The following ANO3 variants were observed in gnomAD, a reference collection of about 807,000 sequenced individuals.
The protein encoded by ANO3 is anoctamin 3.
ANO3 carries 99 observed loss-of-function variants against 144.8 expected under a neutral mutation model. The observed-to-expected ratio is 0.68, with a 90% CI of 0.58 to 0.81. The LOEUF is 0.81. Ranked by LOEUF, ANO3 falls within the 30% of genes least tolerant of loss-of-function variation. The pLI, the probability that ANO3 is intolerant of heterozygous loss-of-function variation, is 0.00. For missense variants in ANO3, 905 were observed against 1,202.2 expected, an observed-to-expected ratio of 0.75 and a Z score of 3.66; for synonymous variants, 414 against 392.6, an observed-to-expected ratio of 1.05 and a Z score of -0.64.
At chr11:26,335,535 TC>T (rs1389217632) in intron 1 of ANO3, among the ~76,000 whole-genome samples, 1 of 152,200 alleles carries the variant, frequency 6.6e-6, no homozygotes, top group Non-Finnish European at 1.5e-5. Flanking sequence ...AATTCATATG[TC>T]CATCCCTCAG....
chr11:26,495,587 C>T (rs936916256), intron 4 of ANO3, among the ~76,000 whole-genome samples: 1 of 152,174 alleles, frequency 6.6e-6, no homozygotes, highest in Non-Finnish European at 1.5e-5. Context: ...AGGGTCATCT[C>T]ATTTATGACA....
chr11:26,455,420 T>C (rs1346033718), intron 3 of ANO3, among the ~76,000 whole-genome samples: 1 of 151,856 alleles, frequency 6.6e-6, no homozygotes, highest in African/African-American at 2.4e-5. Flanking sequence ...AGCATTCTTA[T>C]ACACCAATAA....
At chr11:26,651,665 C>T (rs1309074064) in intron 24 of ANO3, among the ~76,000 whole-genome samples, 1 of 151,770 alleles carries the variant, frequency 6.6e-6, no homozygotes, top group Non-Finnish European at 1.5e-5. Flanking sequence ...CTAAATTTCT[C>T]AGCTTTAATT....
At chr11:26,579,752 A>T (rs1428825176) in intron 14 of ANO3, among the ~76,000 whole-genome samples, 1 of 152,168 alleles carries the variant, frequency 6.6e-6, no homozygotes, top group Non-Finnish European at 1.5e-5. Context: ...AGATCCAGTT[A>T]AAGTTGTTAT....
At chr11:26,270,142 T>G (rs1853409279) in intron 1 of ANO3, among the ~76,000 whole-genome samples, 1 of 152,228 alleles carries the variant, frequency 6.6e-6, no homozygotes, top group East Asian at 1.9e-4. Flanking sequence ...ATTTTTCTTT[T>G]GAATTTGGAA....
Position 26,647,779 on chromosome 11 carries a change from T to G in ANO3, c.2499T>G (p.Ile833Met). 1 of 1,613,422 alleles carries G rather than the reference T, an allele frequency of 6.2e-7. No homozygotes were observed. The highest frequency in any genetic ancestry group is 8.5e-7 in the Non-Finnish European group (1 of 1,179,510). ...TCACCAATGCATTTGTAATTGCTAT[T>G]ACTTCTGATTACATCCCACGTTTTG... Reference protein sequence around the residue: ...AVITNAFVIAITSDYIPRFVY... With the variant: ...AVITNAFVIAMTSDYIPRFVY... The change falls in exon 24 of 27, where the codon ATT (isoleucine) becomes ATG (methionine). Residue 833 changes from isoleucine to methionine, a missense_variant. Physicochemically the swap from Ile to Met is conservative, Grantham distance 10 (BLOSUM62 1). Transcript: ENST00000256737.
chr11:26,607,671 G>A (rs1851973867), intron 17 of ANO3, among the ~76,000 whole-genome samples: 1 of 152,162 alleles, frequency 6.6e-6, no homozygotes, highest in Non-Finnish European at 1.5e-5. Flanking sequence ...CTAAGAACTT[G>A]CTTTATGAAT....
intron 20 of ANO3, among the ~76,000 whole-genome samples, chr11:26,638,316 C>T (rs557743594): frequency 6.6e-6 from 1 of 152,288 alleles, no homozygotes; most frequent in South Asian, 2.1e-4. Context: ...CTCATATATC[C>T]CTGATACGAT....
chr11:26,477,102 T>G (rs1452155003), intron 4 of ANO3, among the ~76,000 whole-genome samples: 2 of 152,116 alleles, frequency 1.3e-5, no homozygotes, highest in Non-Finnish European at 2.9e-5. Context: ...TTCAATTGAT[T>G]CATTTGCACA....
chr11:26,507,813 A>G (rs1366588449), intron 4 of ANO3, among the ~76,000 whole-genome samples: 1 of 152,214 alleles, frequency 6.6e-6, no homozygotes, highest in Non-Finnish European at 1.5e-5. Flanking sequence ...TATATGATAT[A>G]TCATTTTCAT....
chr11:26,508,324 T>C (rs1316740494), intron 5 of ANO3, 62 bp downstream of exon 5: 6 of 1,467,682 alleles, frequency 4.1e-6, no homozygotes, highest in African/African-American at 2.9e-5. Flanking sequence ...TAATCACTTA[T>C]GGTTTAGAAA....
intron 14 of ANO3, among the ~76,000 whole-genome samples, chr11:26,578,844 C>G (rs1352655044): frequency 1.3e-5 from 2 of 152,148 alleles, no homozygotes; most frequent in Non-Finnish European, 2.9e-5. Context: ...ACTCTTCAAC[C>G]TACAAATGGC....
intron 17 of ANO3, among the ~76,000 whole-genome samples, chr11:26,611,768 G>A (rs1852105524): frequency 6.6e-6 from 1 of 152,022 alleles, no homozygotes; most frequent in South Asian, 2.1e-4. Context: ...GATAATATTT[G>A]CTGTACATAT....
chr11:26,314,430 T>C (rs1854574551), intron 1 of ANO3, among the ~76,000 whole-genome samples: 1 of 152,174 alleles, frequency 6.6e-6, no homozygotes, highest in Admixed American at 6.5e-5. Flanking sequence ...CATTAAATAT[T>C]AGTTGCTGTT....
chr11:26,588,930 T>G (rs1341096918), intron 14 of ANO3, among the ~76,000 whole-genome samples: 2 of 152,238 alleles, frequency 1.3e-5, no homozygotes, highest in Non-Finnish European at 2.9e-5. Flanking sequence ...TGCTTGGAGA[T>G]TCTAATTTTT....
At chr11:26,615,415 T>TATATA (rs1491318574) in intron 17 of ANO3, among the ~76,000 whole-genome samples, 2 of 55,476 alleles carry the variant, frequency 3.6e-5, no homozygotes, top group African/African-American at 1.5e-4. Context: ...TATATATATA[T>TATATA]TTTTTTTTTT....
intron 24 of ANO3, among the ~76,000 whole-genome samples, chr11:26,653,356 T>C (rs73436352): frequency 0.022 from 3,320 of 152,126 alleles, 73 homozygotes; most frequent in Middle Eastern, 0.075. Context: ...ACTTTTTTTT[T>C]CCACGCCCCA....
intron 4 of ANO3, among the ~76,000 whole-genome samples, chr11:26,485,493 G>A (rs997070855): frequency 4.6e-5 from 7 of 152,104 alleles, no homozygotes; most frequent in South Asian, 2.1e-4. Flanking sequence ...CCCGAGCCAC[G>A]CTTCCTGTAC....
At chr11:26,371,201 G>T (rs894123649) in intron 1 of ANO3, among the ~76,000 whole-genome samples, 3 of 152,214 alleles carry the variant, frequency 2.0e-5, no homozygotes, top group Admixed American at 6.5e-5. Context: ...CCAGCCATGG[G>T]TAAAAGGGGC....
Sources: gnomAD v4.1 joint callset for allele counts (sites outside exome capture counted in the v4.1 genomes callset) on GRCh38, gnomAD v4.1.1 for gene constraint, MANE v1.5 for transcripts, NCBI Gene and HGNC (gene_info 2026-07-23, HGNC 2026-07-21) for gene names.